The following DLD variants were observed in gnomAD, a reference collection of about 807,000 sequenced individuals.
DLD encodes dihydrolipoamide dehydrogenase, also known as dihydrolipoyl dehydrogenase, mitochondrial.
In DLD, 36 loss-of-function variants were observed where a neutral mutation model predicts 62.2. The ratio of observed to expected loss-of-function variants is 0.58; its 90% confidence interval spans 0.44 to 0.76. The LOEUF is 0.76. Ranked by LOEUF, DLD falls within the 30% of genes least tolerant of loss-of-function variation. The pLI is 0.00. For missense variants in DLD, 541 were observed against 608.6 expected (o/e 0.89, Z 1.17); for synonymous variants, 204 against 199.6 (o/e 1.02, Z -0.19).
rs1247761024 is a variant in DLD at position 107,905,463 on chromosome 7, A to C, written c.541A>C (p.Ile181Leu). ...GGTTATTGATACAAAGAACATTCTT[A>C]TAGCCACGGGTTCAGAAGTTACTCC... ...TQVIDTKNIL[I>L]ATGSEVTPFP... is the part of the protein sequence containing the mutation. Residue 181 changes from isoleucine (I) to leucine (L), a missense_variant, in exon 7 of 14, where the codon ATA becomes CTA. By Grantham distance (5) the Ile-to-Leu change is conservative. Coordinates refer to ENST00000205402, the MANE Select transcript of DLD (RefSeq NM_000108.5). 1 of 1,613,872 alleles carries C rather than the reference A, an allele frequency of 6.2e-7. No homozygotes were observed.
In DLD at chr7:107,917,326, A is replaced by G. The variant is rs200935634; in HGVS notation, c.1100A>G (p.Glu367Gly). The change falls in exon 11 of 14, where the codon GAG (glutamate) becomes GGG (glycine). Residue 367 changes from glutamate (E) to glycine (G), a missense_variant. Physicochemically the swap from Glu to Gly is moderately conservative, Grantham distance 98 (BLOSUM62 -2). Transcript: ENST00000205402. ...VAGPMLAHKAEDEGIICVEGM... is the reference protein window; with the variant it reads ...VAGPMLAHKAGDEGIICVEGM... ...GGTCCAATGCTGGCTCACAAAGCAG[A>G]GGATGAAGGCATTATCTGTGTTGAA... The G allele has an allele frequency of 6.2e-7, 1 of 1,614,178 alleles. No homozygotes were observed. Among genetic ancestry groups the G allele is most frequent in the East Asian group, 2.2e-5 (1 of 44,886 alleles).
chr7:107,895,125 ACT>A (rs1277079804), intron 2 of DLD, among the ~76,000 whole-genome samples: 1 of 152,104 alleles, frequency 6.6e-6, no homozygotes, highest in Non-Finnish European at 1.5e-5. Context: ...TGAGGGCTTC[ACT>A]CTGTCTCAGG....
intron 9 of DLD, 44 bp downstream of exon 9, chr7:107,915,740 T>G (rs2032253871): frequency 6.4e-7 from 1 of 1,566,054 alleles, no homozygotes; most frequent in Non-Finnish European, 8.8e-7. Flanking sequence ...CCCTGTCTCT[T>G]TAAGCAAAAC....
At chr7:107,896,267 A>T (rs997845254) in intron 2 of DLD, among the ~76,000 whole-genome samples, 2 of 152,158 alleles carry the variant, frequency 1.3e-5, no homozygotes, top group African/African-American at 4.8e-5. Flanking sequence ...GGAGGATGTG[A>T]ATGAGGCTAG....
chr7:107,916,175 T>G (rs539312284), intron 9 of DLD, among the ~76,000 whole-genome samples: 12 of 152,340 alleles, frequency 7.9e-5, no homozygotes, highest in African/African-American at 2.9e-4. Context: ...GACTAATTAA[T>G]GACTAACTTG....
At chr7:107,900,407 A>G (rs2031849174) in intron 2 of DLD, among the ~76,000 whole-genome samples, 1 of 152,150 alleles carries the variant, frequency 6.6e-6, no homozygotes, top group East Asian at 1.9e-4. Flanking sequence ...TATAGGTACT[A>G]TGCTAAATTA....
chr7:107,906,357 G>A lies in DLD; in HGVS notation c.673G>A (p.Gly225Ser). The part of the protein sequence containing the change: ...KMVVIGAGVI[G>S]VELGSVWQRL... ...GGTTGTTATTGGTGCAGGAGTAATA[G>A]GTGTAGAATTGGTAAGTGTTGTCTT... The change falls in exon 8 of 14, where the codon GGT (glycine) becomes AGT (serine). Residue 225 changes from glycine to serine, a missense_variant. Physicochemically the swap from Gly to Ser is moderately conservative, Grantham distance 56. Transcript: ENST00000205402. 1 of 1,606,814 alleles carries A rather than the reference G, an allele frequency of 6.2e-7. No individual in the cohort carries two copies. Among genetic ancestry groups the A allele is most frequent in the Non-Finnish European group, 8.5e-7 (1 of 1,173,532 alleles).
At chr7:107,915,761 C>T in intron 9 of DLD, 65 bp downstream of exon 9, 1 of 1,454,142 alleles carries the variant, frequency 6.9e-7, no homozygotes, top group South Asian at 1.2e-5. Flanking sequence ...ACTCAAGTTT[C>T]AAAATCAGTT....
At chr7:107,914,960 CT>C (rs1234114421) in intron 8 of DLD, among the ~76,000 whole-genome samples, 2 of 152,116 alleles carry the variant, frequency 1.3e-5, no homozygotes, top group East Asian at 3.9e-4. Flanking sequence ...AACCTGTTTC[CT>C]TTTCCTCAAG....
chr7:107,893,265 C>A lies in DLD; in HGVS notation c.105C>A (p.Tyr35Ter). The A allele has an allele frequency of 6.2e-7, 1 of 1,612,626 alleles. No homozygotes were observed. Among genetic ancestry groups the A allele is most frequent in the Non-Finnish European group, 8.5e-7 (1 of 1,179,176 alleles). The part of the protein sequence containing the change: ...QGLSAVPLRT[Y>*]ADQPIDADVT... Reference sequence around the variant, plus strand: ...TTTCTGCAGTGCCTCTGAGAACTTACGCAGATCAGCCGAGTAAGTACTTAA... The same window carrying A: ...TTTCTGCAGTGCCTCTGAGAACTTAAGCAGATCAGCCGAGTAAGTACTTAA... The change falls in exon 2 of 14, where the codon TAC (tyrosine) becomes TAA (stop). Residue 35 changes from tyrosine (Y) to a stop codon, truncating the protein, a stop_gained. Coordinates refer to ENST00000205402, the MANE Select transcript of DLD (RefSeq NM_000108.5). LOFTEE classifies it high-confidence loss of function.
chr7:107,902,628 C>T lies in DLD; in HGVS notation c.267+235C>T, dbSNP rs75756553. Among the ~76,000 whole-genome samples, 10,939 of 152,256 alleles carry T rather than the reference C, an allele frequency of 0.072. 549 individuals are homozygous for T. The highest frequency in any genetic ancestry group is 0.12 in the Non-Finnish European group (7,996 of 68,002). ...AAATAACTTCCTTGTCTCAGAATGC[C>T]TAGCTTTCCATTCAAACAGACTCTG... On this transcript the variant is annotated intron_variant, in intron 4 of 13. Coordinates refer to ENST00000205402, the MANE Select transcript of DLD (RefSeq NM_000108.5).
chr7:107,907,789 A>G (rs934839599), intron 8 of DLD, among the ~76,000 whole-genome samples: 1 of 152,150 alleles, frequency 6.6e-6, no homozygotes, highest in African/African-American at 2.4e-5. Context: ...AATGCTCCTT[A>G]TCTTGGTCCC....
intron 8 of DLD, among the ~76,000 whole-genome samples, chr7:107,910,080 C>T (rs2032103992): frequency 6.6e-6 from 1 of 152,026 alleles, no homozygotes; most frequent in African/African-American, 2.4e-5. Flanking sequence ...TGGTCTTGAA[C>T]TCCTGACCTC....
chr7:107,919,384 G>A lies in DLD; in HGVS notation c.*125G>A. On this transcript the variant is annotated 3_prime_UTR_variant, in exon 14 of 14. Coordinates refer to ENST00000205402, the MANE Select transcript of DLD (RefSeq NM_000108.5). ...GACTGAATTATGAAACTTTTGGAAG[G>A]TATTTAATAGGTTTGGACAAAATGG... 1 of 779,456 alleles carries A rather than the reference G, an allele frequency of 1.3e-6. No homozygotes were observed. The highest frequency in any genetic ancestry group is 2.1e-6 in the Non-Finnish European group (1 of 476,836). The allele number at this position is 779,456 out of a possible 1,614,324, so 48.3% of individuals were successfully genotyped here.
chr7:107,896,062 G>T (rs1030586928), intron 2 of DLD, among the ~76,000 whole-genome samples: 1 of 152,222 alleles, frequency 6.6e-6, no homozygotes, highest in Non-Finnish European at 1.5e-5. Context: ...AGCTTAAACT[G>T]CATGGTATTG....
chr7:107,915,793 TA>T, intron 9 of DLD, 97 bp downstream of exon 9: 1 of 1,052,270 alleles, frequency 9.5e-7, no homozygotes, highest in Non-Finnish European at 1.4e-6. Flanking sequence ...GGGTTTTTTC[TA>T]ACTTAAGGTC....
intron 8 of DLD, among the ~76,000 whole-genome samples, chr7:107,909,824 T>A (rs2032096116): frequency 6.6e-6 from 1 of 150,764 alleles, no homozygotes; most frequent in South Asian, 2.1e-4. Flanking sequence ...CTAATTGGGT[T>A]GATGGGAGAA....
intron 8 of DLD, among the ~76,000 whole-genome samples, chr7:107,909,143 C>T (rs1312655262): frequency 6.6e-6 from 1 of 152,192 alleles, no homozygotes. Context: ...ATAAAAACCA[C>T]ATTTTTTTCG....
Position 107,902,931 on chromosome 7 carries a change from C to CT in DLD, c.268-539dup, listed in dbSNP as rs59612728. On this transcript the variant is annotated intron_variant, in intron 4 of 13. Coordinates refer to ENST00000205402, the MANE Select transcript of DLD (RefSeq NM_000108.5). ...CTATTCCATGTAGAGAATGCCATGT[C>CT]TTTTTTTTAACTTCTTTTTAAATTT... Among the ~76,000 whole-genome samples, 1,386 of 151,740 alleles carry CT rather than the reference C, an allele frequency of 9.1e-3. 18 individuals are homozygous for CT. Among genetic ancestry groups the CT allele is most frequent in the African/African-American group, 0.032 (1,314 of 41,358 alleles).
Sources: gnomAD v4.1 joint callset for allele counts (sites outside exome capture counted in the v4.1 genomes callset) on GRCh38, gnomAD v4.1.1 for gene constraint, MANE v1.5 for transcripts, NCBI Gene and HGNC (gene_info 2026-07-23, HGNC 2026-07-21) for gene names.